The following EDIL3 variants were observed in gnomAD, a reference collection of about 807,000 sequenced individuals.
EDIL3 encodes the protein EGF-like repeat and discoidin I-like domain-containing protein 3.
A neutral mutation model predicts 67.4 loss-of-function variants in EDIL3; 37 were observed. The ratio of observed to expected loss-of-function variants is 0.55; its 90% confidence interval spans 0.42 to 0.72. The LOEUF is 0.72. Among genes scored for constraint, EDIL3 ranks in the 30% least tolerant of loss-of-function variants. The pLI is 0.00. For missense variants in EDIL3, 527 were observed against 586.3 expected, an observed-to-expected ratio of 0.90 and a Z score of 1.04; for synonymous variants, 195 against 196.3, an observed-to-expected ratio of 0.99 and a Z score of 0.05.
intron 6 of EDIL3, among the ~76,000 whole-genome samples, chr5:84,082,419 C>T (rs562075703): frequency 2.0e-4 from 31 of 152,028 alleles, no homozygotes; most frequent in Non-Finnish European, 2.9e-4. Context: ...GTGTAAAGGG[C>T]GACATGTTTT....
At chr5:84,031,208 T>G (rs962819772) in intron 9 of EDIL3, among the ~76,000 whole-genome samples, 6 of 152,118 alleles carry the variant, frequency 3.9e-5, no homozygotes, top group Admixed American at 6.6e-5. Flanking sequence ...ATAGTTGGGG[T>G]TAGGACTTAA....
rs192581802 is a variant in EDIL3 at position 84,029,652 on chromosome 5, T to C, written c.1137+30648A>G. ...ACGTTCACTTTGAGAAATTTAACCC[T>C]CAAAAGGGTTAAGATTAAGCGGATA... On this transcript the variant is annotated intron_variant, in intron 9 of 10. Coordinates refer to ENST00000296591, the MANE Select transcript of EDIL3 (RefSeq NM_005711.5). 2.0e-5 allele frequency among the ~76,000 whole-genome samples: 3 copies of C among 152,206 alleles called. No homozygotes were observed. The East Asian group carries it at 5.8e-4, about 29-fold the overall frequency.
chr5:83,950,718 AC>A (rs1744404695), intron 10 of EDIL3, among the ~76,000 whole-genome samples: 1 of 151,830 alleles, frequency 6.6e-6, no homozygotes, highest in Non-Finnish European at 1.5e-5. Context: ...AGCATATCAA[AC>A]AACCAGTGTT....
At chr5:84,164,534 C>A (rs1748670734) in intron 4 of EDIL3, among the ~76,000 whole-genome samples, 1 of 152,006 alleles carries the variant, frequency 6.6e-6, no homozygotes, top group Admixed American at 6.6e-5. Context: ...TGGTAAATAA[C>A]CCCAACTGGT....
chr5:84,008,828 G>C (rs1027126480), intron 9 of EDIL3, among the ~76,000 whole-genome samples: 17 of 151,904 alleles, frequency 1.1e-4, no homozygotes, highest in African/African-American at 3.1e-4. Context: ...TTGTTTGTGG[G>C]GGGAAACAGG....
At chr5:84,139,903 C>T (rs897818911) in intron 4 of EDIL3, among the ~76,000 whole-genome samples, 2 of 152,070 alleles carry the variant, frequency 1.3e-5, no homozygotes, top group African/African-American at 2.4e-5. Flanking sequence ...ATGATATGAT[C>T]GTGTGTTTAG....
intron 6 of EDIL3, among the ~76,000 whole-genome samples, chr5:84,068,596 G>C (rs1184453448): frequency 6.6e-6 from 1 of 152,092 alleles, no homozygotes; most frequent in African/African-American, 2.4e-5. Context: ...TAGGAAGATG[G>C]AACTGCAGTT....
At position 83,940,804 on chromosome 5, in the gene EDIL3, C is replaced by T. The variant is rs1744210996; in HGVS notation, c.*2615G>A. The T allele has an allele frequency of 6.6e-6, 1 of 151,948 alleles. No homozygotes were observed. Among genetic ancestry groups the T allele is most frequent in the Non-Finnish European group, 1.5e-5 (1 of 67,894 alleles). The allele number at this position is 151,948 out of a possible 1,614,324, so 9.4% of individuals were successfully genotyped here. A position where few individuals can be genotyped will look rare whatever the true frequency, so the allele number is the denominator to read the frequency against. On this transcript the variant is annotated 3_prime_UTR_variant, in exon 11 of 11. Transcript: ENST00000296591. The stretch of plus-strand genomic sequence containing the variant: ...TTGAGTATATTTCATAAGTTGTTGA[C>T]TAGCAAAGATACAATCATTAGTAAC...
At position 84,095,527 on chromosome 5, in the gene EDIL3, G is replaced by A. The variant is rs190692965; in HGVS notation, c.651+11122C>T. Among the ~76,000 whole-genome samples, 42 of 152,326 alleles carry A rather than the reference G, an allele frequency of 2.8e-4. 1 individual carries two copies. The East Asian group carries it at 7.9e-3, about 29-fold the overall frequency. On this transcript the variant is annotated intron_variant, in intron 6 of 10. Coordinates refer to ENST00000296591, the MANE Select transcript of EDIL3 (RefSeq NM_005711.5). ...GACTCTTGTTATGCTTTATTAAAGT[G>A]AGTGGCAGCATTTTGCTCCTGCTCT...
intron 4 of EDIL3, among the ~76,000 whole-genome samples, chr5:84,146,094 G>A (rs1254939220): frequency 6.6e-6 from 1 of 151,984 alleles, no homozygotes; most frequent in African/African-American, 2.4e-5. Context: ...AATAATACAA[G>A]TATAGCCAAA....
At chr5:84,245,648 A>G (rs1435121047) in intron 2 of EDIL3, among the ~76,000 whole-genome samples, 3 of 152,146 alleles carry the variant, frequency 2.0e-5, no homozygotes, top group South Asian at 2.1e-4. Flanking sequence ...CATGTTTTAC[A>G]TAGTATCATA....
At chr5:84,233,116 T>C (rs941481538) in intron 2 of EDIL3, among the ~76,000 whole-genome samples, 3 of 151,876 alleles carry the variant, frequency 2.0e-5, no homozygotes, top group Non-Finnish European at 2.9e-5. Context: ...AACAAATAAG[T>C]GTATTGCTCC....
intron 5 of EDIL3, 84 bp downstream of exon 5, chr5:84,137,157 G>T: frequency 1.1e-6 from 1 of 877,216 alleles, no homozygotes. Context: ...AAATATATAT[G>T]CATACATATA....
intron 3 of EDIL3, among the ~76,000 whole-genome samples, chr5:84,199,756 A>C (rs538708321): frequency 7.2e-5 from 11 of 152,098 alleles, no homozygotes; most frequent in African/African-American, 2.7e-4. Context: ...ATGTCGTGGG[A>C]TTGAAGGGAC....
intron 1 of EDIL3, among the ~76,000 whole-genome samples, chr5:84,323,561 T>A (rs1387142247): frequency 6.6e-6 from 1 of 151,890 alleles, no homozygotes; most frequent in Non-Finnish European, 1.5e-5. Flanking sequence ...AATATATCCC[T>A]CTTTATCAGT....
At chr5:84,088,387 G>GTTTGT (rs1207505124) in intron 6 of EDIL3, among the ~76,000 whole-genome samples, 7 of 152,116 alleles carry the variant, frequency 4.6e-5, no homozygotes, top group African/African-American at 9.7e-5. Context: ...TTTGTTTGTT[G>GTTTGT]TTTGTTTTGT....
At chr5:84,304,194 A>G (rs942968379) in intron 1 of EDIL3, among the ~76,000 whole-genome samples, 1 of 152,224 alleles carries the variant, frequency 6.6e-6, no homozygotes, top group African/African-American at 2.4e-5. Flanking sequence ...TTCACCATTG[A>G]GTAACAGGGG....
intron 5 of EDIL3, among the ~76,000 whole-genome samples, chr5:84,111,433 C>T (rs1424295777): frequency 6.6e-6 from 1 of 152,028 alleles, no homozygotes; most frequent in African/African-American, 2.4e-5. Context: ...AATTTATTGA[C>T]CTCTAAGTAT....
intron 6 of EDIL3, among the ~76,000 whole-genome samples, chr5:84,086,758 A>C (rs1306346992): frequency 6.6e-6 from 1 of 152,006 alleles, no homozygotes; most frequent in Non-Finnish European, 1.5e-5. Context: ...AGAAAACCCA[A>C]ACTAACTATG....
Sources: allele counts gnomAD v4.1 joint callset (sites outside exome capture counted in the v4.1 genomes callset), GRCh38; gene constraint gnomAD v4.1.1; transcripts MANE v1.5; gene names NCBI Gene and HGNC (gene_info 2026-07-23, HGNC 2026-07-21).